The following CFAP206 variants were observed in gnomAD, a reference collection of about 807,000 sequenced individuals.
The protein encoded by CFAP206 is cilia- and flagella-associated protein 206.
A neutral mutation model predicts 65.4 loss-of-function variants in CFAP206; 53 were observed. The ratio of observed to expected loss-of-function variants is 0.81; its 90% CI spans 0.65 to 1.02. The LOEUF is 1.02. Ranked by LOEUF, CFAP206 falls within the 50% of genes least tolerant of loss-of-function variation. The pLI is 0.00. For missense variants in CFAP206, 663 were observed against 753.2 expected, an observed-to-expected ratio of 0.88 and a Z score of 1.40; for synonymous variants, 250 against 254.4, an observed-to-expected ratio of 0.98 and a Z score of 0.17.
Position 87,418,216 on chromosome 6 carries a change from G to C in CFAP206, c.640G>C (p.Val214Leu). ...CATACTCTTACAAACAGTGCCAGCT[G>C]TTCTCCATGTAGCAATCCCAGCCAC... ...GGEGIDDLPA[V>L]LHVAIPATMQ... is the part of the protein sequence containing the mutation. Residue 214 changes from valine (V) to leucine (L), a missense_variant, in exon 7 of 13, where the codon GTT (valine) becomes CTT (leucine). Physicochemically the swap from Val to Leu is conservative, Grantham distance 32. Coordinates refer to ENST00000369562, the MANE Select transcript of CFAP206 (RefSeq NM_001031743.3). 6.2e-7 allele frequency: 1 copy of C among 1,614,012 alleles called. No individual in the cohort carries two copies. Among genetic ancestry groups the C allele is most frequent in the South Asian group, 1.1e-5 (1 of 91,080 alleles).
intron 12 of CFAP206, among the ~76,000 whole-genome samples, chr6:87,463,132 C>A (rs936223816): frequency 1.3e-5 from 2 of 152,178 alleles, no homozygotes; most frequent in South Asian, 2.1e-4. Flanking sequence ...GCAAGGGATG[C>A]AGACTCTTAG....
At chr6:87,451,492 C>T (rs1050589446) in intron 11 of CFAP206, among the ~76,000 whole-genome samples, 1 of 152,054 alleles carries the variant, frequency 6.6e-6, no homozygotes, top group Non-Finnish European at 1.5e-5. Context: ...GACCAAAGAG[C>T]CCTTGGGTCT....
intron 11 of CFAP206, chr6:87,445,303 C>CGTG (rs948850889): frequency 1.5e-5 from 3 of 200,550 alleles, no homozygotes; most frequent in Non-Finnish European, 3.0e-5. Context: ...CCTATCAACC[C>CGTG]ATCACCTAAG....
chr6:87,415,527 A>G lies in CFAP206; in HGVS notation c.284-159A>G, dbSNP rs183788229. On this transcript the variant is annotated intron_variant, in intron 4 of 12. Coordinates refer to ENST00000369562, the MANE Select transcript of CFAP206 (RefSeq NM_001031743.3). Reference sequence around the variant, plus strand: ...CCTCCTGGATTTTTGTCTTGAGGCTACATGCTGGCCACTGTTTTTTATTTC... The same window carrying G: ...CCTCCTGGATTTTTGTCTTGAGGCTGCATGCTGGCCACTGTTTTTTATTTC... The G allele has an allele frequency of 3.0e-4, 214 of 724,216 alleles. 2 individuals carry two copies. In the Admixed American group the frequency reaches 4.1e-3, roughly 14 times the overall value. 44.9% of individuals were successfully genotyped at this position (724,216 alleles called of 1,614,324 possible).
chr6:87,446,785 G>A (rs555525991), intron 11 of CFAP206, among the ~76,000 whole-genome samples: 1 of 152,318 alleles, frequency 6.6e-6, no homozygotes, highest in Non-Finnish European at 1.5e-5. Context: ...ACTATGGGCA[G>A]TATGGCCATT....
chr6:87,408,498 A>C (rs1010976983), intron 1 of CFAP206: 1 of 72,386 alleles, frequency 1.4e-5, no homozygotes, highest in African/African-American at 6.5e-5. Context: ...CGGAGCGCGC[A>C]CACAGATCCG....
intron 11 of CFAP206, among the ~76,000 whole-genome samples, chr6:87,437,694 A>G (rs940491208): frequency 2.0e-5 from 3 of 151,348 alleles, no homozygotes; most frequent in African/African-American, 4.9e-5. Flanking sequence ...CTCACTCTGT[A>G]GCCCAGGCTG....
At chr6:87,420,707 C>A (rs757008602) in intron 7 of CFAP206, among the ~76,000 whole-genome samples, 15 of 152,170 alleles carry the variant, frequency 9.9e-5, no homozygotes, top group Non-Finnish European at 1.8e-4. Flanking sequence ...CTTAGCTGAA[C>A]AGCTGTGATT....
chr6:87,413,888 T>C lies in CFAP206; in HGVS notation c.271T>C (p.Tyr91His), dbSNP rs769771629. The C allele has an allele frequency of 1.3e-6, 2 of 1,535,194 alleles. No individual in the cohort carries two copies. Among genetic ancestry groups the C allele is most frequent in the South Asian group, 2.6e-5 (2 of 76,292 alleles). Residue 91 changes from tyrosine (Y) to histidine (H), a missense_variant, in exon 4 of 13, where the codon TAT becomes CAT. By Grantham distance (83) the Tyr-to-His change is moderately conservative. Coordinates refer to ENST00000369562, the MANE Select transcript of CFAP206 (RefSeq NM_001031743.3). The part of the protein sequence containing the change: ...IKMQVYFDMN[Y>H]TNRVEFLEEH... ...GATGCAAGTCTACTTCGATATGAAT[T>C]ATACGAATCGAGGTAATGTATACTA... is the stretch of plus-strand genomic sequence containing the variant.
rs192220432 is a variant in CFAP206 at position 87,409,375 on chromosome 6, G to A, written c.-5-460G>A. ...ATTACAGGCGTGTGCCACCACTCCCGGCTAATTTTGTATTTTTAGTAGAGA... is the reference window on the plus strand; with the variant it reads ...ATTACAGGCGTGTGCCACCACTCCCAGCTAATTTTGTATTTTTAGTAGAGA... On this transcript the variant is annotated intron_variant, in intron 1 of 12. Coordinates refer to ENST00000369562, the MANE Select transcript of CFAP206 (RefSeq NM_001031743.3). 5.3e-3 allele frequency among the ~76,000 whole-genome samples: 804 copies of A among 151,928 alleles called. 3 individuals are homozygous for A. The highest frequency in any genetic ancestry group is 0.018 in the African/African-American group (763 of 41,462).
rs781263522 is a variant in CFAP206, at chr6:87,409,989, T to A, written c.108+42T>A. 5 of 1,347,206 alleles carry A rather than the reference T, an allele frequency of 3.7e-6. No individual in the cohort carries two copies. The African/African-American group carries it at 5.8e-5, about 16-fold the overall frequency. The allele number at this position is 1,347,206 out of a possible 1,614,324, so 83.5% of individuals were successfully genotyped here. The stretch of plus-strand genomic sequence containing the variant: ...TTGTGATTACTGTTTTATTAAGAGG[T>A]TTTTTAAGATGTGGTGTCCATTTTC... On this transcript the variant is annotated intron_variant, in intron 2 of 12. Coordinates refer to ENST00000369562, the MANE Select transcript of CFAP206 (RefSeq NM_001031743.3).
Position 87,434,455 on chromosome 6 carries a change from C to G in CFAP206, c.1301-405C>G, listed in dbSNP as rs1488262758. Among the ~76,000 whole-genome samples the G allele has an allele frequency of 2.0e-5, 3 of 148,776 alleles. No homozygotes were observed. The East Asian group carries it at 5.9e-4, about 29-fold the overall frequency. Reference sequence around the variant, plus strand: ...AAAATGGAGTGGATGAGGAATGGCTCTATGGTATGTTACAAACACAGAGTA... The same window carrying G: ...AAAATGGAGTGGATGAGGAATGGCTGTATGGTATGTTACAAACACAGAGTA... On this transcript the variant is annotated intron_variant, in intron 10 of 12. Coordinates refer to ENST00000369562, the MANE Select transcript of CFAP206 (RefSeq NM_001031743.3).
chr6:87,461,495 A>G (rs1049391826), intron 12 of CFAP206, among the ~76,000 whole-genome samples: 1 of 151,870 alleles, frequency 6.6e-6, no homozygotes, highest in Non-Finnish European at 1.5e-5. Flanking sequence ...GACCTTTTCT[A>G]TTAAAGCATA....
chr6:87,464,335 AT>A lies in CFAP206; in HGVS notation c.*89del. The A allele has an allele frequency of 1.0e-6, 1 of 997,370 alleles. No individual in the cohort carries two copies. Among genetic ancestry groups the A allele is most frequent in the Non-Finnish European group, 1.4e-6 (1 of 711,888 alleles). The allele number at this position is 997,370 out of a possible 1,614,324, so 61.8% of individuals were successfully genotyped here. On this transcript the variant is annotated 3_prime_UTR_variant, in exon 13 of 13. Transcript: ENST00000369562. ...GGTATATTAACATCTATACAAATTA[AT>A]TTTGTAGGGGTGGCACATTCATTGG...
At position 87,415,764 on chromosome 6, in the gene CFAP206, C is replaced by T. The variant is rs1160122345; in HGVS notation, c.362C>T (p.Ala121Val). ...ACCCGAGAAATTACAGATAACAGAG[C>T]ATGTGCTAAAGAAGAATTGGAAAGC... ...SVTREITDNR[A>V]CAKEELESLY... is the part of the protein sequence containing the mutation. The change falls in exon 5 of 13, where the codon GCA (alanine) becomes GTA (valine). Residue 121 changes from alanine to valine, a missense_variant. Coordinates refer to ENST00000369562, the MANE Select transcript of CFAP206 (RefSeq NM_001031743.3). 2.5e-6 allele frequency: 4 copies of T among 1,613,332 alleles called. No homozygotes were observed. In the South Asian group the frequency reaches 3.3e-5, roughly 13 times the overall value.
In CFAP206 at chr6:87,446,682, T is replaced by C. The variant is rs182777162; in HGVS notation, c.1494+11629T>C. 4.9e-3 allele frequency among the ~76,000 whole-genome samples: 753 copies of C among 152,326 alleles called. 8 individuals carry two copies. Among genetic ancestry groups the C allele is most frequent in the African/African-American group, 0.017 (704 of 41,578 alleles). On this transcript the variant is annotated intron_variant, in intron 11 of 12. Coordinates refer to ENST00000369562, the MANE Select transcript of CFAP206 (RefSeq NM_001031743.3). ...AGGATTGTCTTGACTATATGGGCTC[T>C]TTTTTGGCTCCATATGAATTTTAAA...
In CFAP206 at chr6:87,409,919, T is replaced by C; in HGVS notation, c.80T>C (p.Ile27Thr). ...CAAGAATGTGCAGCCCATGGAGAGATTGTTTCTGAAACTCTGATTGCTTTT... is the reference window on the plus strand; with the variant it reads ...CAAGAATGTGCAGCCCATGGAGAGACTGTTTCTGAAACTCTGATTGCTTTT... ...IGQECAAHGE[I>T]VSETLIAFMV... The change falls in exon 2 of 13, where the codon ATT becomes ACT. Residue 27 changes from isoleucine to threonine, a missense_variant. Physicochemically the swap from Ile to Thr is moderately conservative, Grantham distance 89 (BLOSUM62 -1). Coordinates refer to ENST00000369562, the MANE Select transcript of CFAP206 (RefSeq NM_001031743.3). 6.2e-7 allele frequency: 1 copy of C among 1,611,998 alleles called. No homozygotes were observed. The highest frequency in any genetic ancestry group is 8.5e-7 in the Non-Finnish European group (1 of 1,178,740).
intron 11 of CFAP206, among the ~76,000 whole-genome samples, chr6:87,454,261 G>A (rs549008641): frequency 7.9e-4 from 120 of 152,226 alleles, no homozygotes; most frequent in Non-Finnish European, 1.4e-3. Context: ...GCTAAAGAGC[G>A]AAATAGACCC....
intron 12 of CFAP206, 125 bp downstream of exon 12, chr6:87,461,290 C>T: frequency 1.8e-6 from 1 of 569,754 alleles, no homozygotes; most frequent in Non-Finnish European, 2.7e-6. Context: ...TCTTTGCTAA[C>T]AAAAATATAA....
Sources: gnomAD v4.1 joint callset for allele counts (sites outside exome capture counted in the v4.1 genomes callset) on GRCh38, gnomAD v4.1.1 for gene constraint, MANE v1.5 for transcripts, NCBI Gene and HGNC (gene_info 2026-07-23, HGNC 2026-07-21) for gene names.